Variants in SOX6 observed in about 807,000 individuals in gnomAD.
SOX6 encodes the protein SRY-box transcription factor 6.
SOX6 carries 11 observed loss-of-function variants against 97.8 expected under a neutral mutation model. The observed-to-expected ratio is 0.11, with a 90% CI of 0.07 to 0.19. The LOEUF (loss-of-function observed/expected upper bound fraction) is 0.19. Ranked by LOEUF, SOX6 falls within the 10% of genes least tolerant of loss-of-function variation. SOX6 has a pLI of 1.00. For missense variants in SOX6, 810 were observed against 1,039.5 expected (o/e 0.78, Z 3.04); for synonymous variants, 360 against 371.4 (o/e 0.97, Z 0.35).
rs368833354 is a variant in SOX6, at chr11:16,687,381, A to C, written n.429+27449T>G. On this transcript the variant is annotated intron_variant and non_coding_transcript_variant, in intron 3 of 5. Coordinates refer to the SOX6 transcript ENST00000524520. ...CAACCAGATCTATGAGAACTCATTC[A>C]CTACCATGATGATGGCATCAAATCA... Among the ~76,000 whole-genome samples the C allele has an allele frequency of 2.6e-5, 4 of 152,334 alleles. No homozygotes were observed. In the East Asian group the frequency reaches 7.7e-4, roughly 29 times the overall value.
At chr11:16,201,681 T>C (rs1344351115) in intron 4 of SOX6, among the ~76,000 whole-genome samples, 4 of 129,444 alleles carry the variant, frequency 3.1e-5, no homozygotes, top group Non-Finnish European at 6.2e-5. Context: ...TCGCCCAGGC[T>C]GGAGTGCAGT....
chr11:16,539,255 T>C (rs1255647567), intron 4 of SOX6, among the ~76,000 whole-genome samples: 2 of 152,126 alleles, frequency 1.3e-5, no homozygotes, highest in East Asian at 3.8e-4. Flanking sequence ...GAAATAAAGA[T>C]GTCCTTTGAA....
chr11:16,026,586 C>G (rs1283403669), intron 12 of SOX6, among the ~76,000 whole-genome samples: 1 of 152,138 alleles, frequency 6.6e-6, no homozygotes, highest in Non-Finnish European at 1.5e-5. Context: ...AATGCAAAGA[C>G]TGCTGCTAAG....
At chr11:16,349,167 T>C (rs1856842978) in intron 1 of SOX6, among the ~76,000 whole-genome samples, 1 of 152,212 alleles carries the variant, frequency 6.6e-6, no homozygotes, top group Non-Finnish European at 1.5e-5. Context: ...TTAAAAGCTC[T>C]CTTAGAAAAG....
At chr11:16,039,447 G>A (rs1415894517) in intron 12 of SOX6, among the ~76,000 whole-genome samples, 1 of 152,004 alleles carries the variant, frequency 6.6e-6, no homozygotes, top group East Asian at 1.9e-4. Context: ...TATATTCAAA[G>A]TATCACCTTG....
intron 6 of SOX6, among the ~76,000 whole-genome samples, chr11:16,137,856 G>C (rs1294817770): frequency 1.3e-5 from 2 of 152,070 alleles, no homozygotes; most frequent in Non-Finnish European, 2.9e-5. Flanking sequence ...GTTTTATAAG[G>C]AGCTTCCCCC....
intron 4 of SOX6, among the ~76,000 whole-genome samples, chr11:16,484,958 A>AT (rs1236986552): frequency 6.6e-6 from 1 of 152,082 alleles, no homozygotes; most frequent in Non-Finnish European, 1.5e-5. Flanking sequence ...AGGAGTTTAC[A>AT]TTTTTTTAAA....
At chr11:16,157,686 G>A (rs1211449922) in intron 6 of SOX6, among the ~76,000 whole-genome samples, 1 of 151,958 alleles carries the variant, frequency 6.6e-6, no homozygotes, top group Non-Finnish European at 1.5e-5. Context: ...AATATCTGGT[G>A]CATAGCTATA....
chr11:16,191,695 A>G (rs1480013262), intron 4 of SOX6, among the ~76,000 whole-genome samples: 1 of 152,068 alleles, frequency 6.6e-6, no homozygotes, highest in South Asian at 2.1e-4. Flanking sequence ...AGTTTCACAA[A>G]CCACAAAAAG....
intron 2 of SOX6, among the ~76,000 whole-genome samples, chr11:16,328,553 C>G (rs1286242390): frequency 6.6e-6 from 1 of 152,032 alleles, no homozygotes; most frequent in Non-Finnish European, 1.5e-5. Context: ...ATTAAATGTC[C>G]AAATTATGTT....
chr11:16,582,381 C>T (rs1848039416), intron 4 of SOX6, among the ~76,000 whole-genome samples: 3 of 152,128 alleles, frequency 2.0e-5, no homozygotes, highest in Admixed American at 6.6e-5. Context: ...CAGCAAAACA[C>T]TTGACAAATG....
At chr11:16,188,229 C>A (rs1252224410) in intron 4 of SOX6, among the ~76,000 whole-genome samples, 1,382 of 112,846 alleles carry the variant, frequency 0.012, no homozygotes, top group Middle Eastern at 0.019. Context: ...AACTCAGGTC[C>A]AAAAAAAAAA....
At chr11:16,242,578 C>T (rs1853226312) in intron 3 of SOX6, among the ~76,000 whole-genome samples, 1 of 150,982 alleles carries the variant, frequency 6.6e-6, no homozygotes. Flanking sequence ...AGGACTTTCT[C>T]AACATGATGC....
At chr11:16,334,847 A>G (rs1271473242) in intron 2 of SOX6, among the ~76,000 whole-genome samples, 1 of 152,156 alleles carries the variant, frequency 6.6e-6, no homozygotes, top group East Asian at 1.9e-4. Flanking sequence ...AATAATTTAT[A>G]TTTCCATAAA....
intron 1 of SOX6, among the ~76,000 whole-genome samples, chr11:16,371,039 A>G (rs1356003200): frequency 1.3e-5 from 2 of 152,178 alleles, no homozygotes; most frequent in Middle Eastern, 3.4e-3. Context: ...AAATGTTCCA[A>G]TGGCTCCCCA....
intron 1 of SOX6, among the ~76,000 whole-genome samples, chr11:16,425,560 G>GA (rs917698267): frequency 2.6e-5 from 4 of 152,192 alleles, no homozygotes; most frequent in African/African-American, 4.8e-5. Context: ...CCTACATCTA[G>GA]AAAAAAACCC....
chr11:16,082,867 C>G (rs1253495691), intron 9 of SOX6, among the ~76,000 whole-genome samples: 1 of 152,148 alleles, frequency 6.6e-6, no homozygotes, highest in African/African-American at 2.4e-5. Flanking sequence ...TGTGATCTGA[C>G]CCCTTGCATA....
chr11:15,987,061 A>C (rs1853869914), intron 14 of SOX6, among the ~76,000 whole-genome samples: 1 of 152,238 alleles, frequency 6.6e-6, no homozygotes, highest in African/African-American at 2.4e-5. Context: ...AAAAGTACAA[A>C]AATTTTAATA....
rs34604334 is a variant in SOX6, at chr11:16,569,868, C to CAAAAAAA, written n.609+42206_609+42212dup. ...TGGGTGACTGATCAAGACTCCGTCT[C>CAAAAAAA]AAAAAAAAAAAAAAAAAGATATACT... is the stretch of plus-strand genomic sequence containing the variant. On this transcript the variant is annotated intron_variant and non_coding_transcript_variant, in intron 4 of 5. Coordinates refer to the SOX6 transcript ENST00000524520. Among the ~76,000 whole-genome samples the CAAAAAAA allele has an allele frequency of 1.7e-4, 14 of 84,796 alleles. 1 individual carries two copies. The highest frequency in any genetic ancestry group is 5.5e-4 in the South Asian group (1 of 1,808). 55.6% of individuals were successfully genotyped at this position (84,796 alleles called of 152,430 possible). A position where few individuals can be genotyped will look rare whatever the true frequency, so the allele number is the denominator to read the frequency against.
Sources: gnomAD v4.1 joint callset for allele counts (sites outside exome capture counted in the v4.1 genomes callset) on GRCh38, gnomAD v4.1.1 for gene constraint, MANE v1.5 for transcripts, NCBI Gene and HGNC (gene_info 2026-07-23, HGNC 2026-07-21) for gene names.